The following ERICH6B variants were observed in gnomAD, a reference collection of about 807,000 sequenced individuals.
ERICH6B encodes glutamate rich 6B, also known as glutamate-rich protein 6B.
ERICH6B carries 69 observed loss-of-function variants against 80.0 expected under a neutral mutation model. That is an observed-to-expected ratio of 0.86 (90% CI 0.71 to 1.05). The LOEUF (loss-of-function observed/expected upper bound fraction) is 1.05, where lower values mean the gene tolerates loss of function less well. Ranked by LOEUF, ERICH6B falls within the 50% of genes least tolerant of loss-of-function variation. The pLI is 0.00. For missense variants in ERICH6B, 754 were observed against 796.1 expected (o/e 0.95, Z 0.64); for synonymous variants, 283 against 291.9 (o/e 0.97, Z 0.31).
intron 2 of ERICH6B, among the ~76,000 whole-genome samples, chr13:45,599,046 C>A (rs1316463991): frequency 1.3e-5 from 2 of 152,246 alleles, no homozygotes; most frequent in African/African-American, 4.8e-5. Context: ...CCTCCAGGGG[C>A]TGACCCCAAG....
rs558688144 is a variant in ERICH6B, at chr13:45,543,301, A to T, written c.1872+1459T>A. ...GTTGGAGCTCTGGGGGTCCAGCCTC[A>T]ACATTTTGAGTAGGTGGAACTGTGT... On this transcript the variant is annotated intron_variant, in intron 14 of 14. Transcript: ENST00000298738. 7.2e-5 allele frequency among the ~76,000 whole-genome samples: 11 copies of T among 152,194 alleles called. No homozygotes were observed. In the South Asian group the frequency reaches 2.3e-3, roughly 32 times the overall value.
intron 11 of ERICH6B, chr13:45,551,532 A>G (rs907514252): frequency 1.2e-4 from 19 of 152,176 alleles, no homozygotes; most frequent in African/African-American, 4.3e-4. Flanking sequence ...CCAAGTAGTA[A>G]CCAGGCTCAG....
At chr13:45,559,630 C>T (rs1218764550) in intron 11 of ERICH6B, among the ~76,000 whole-genome samples, 1 of 152,090 alleles carries the variant, frequency 6.6e-6, no homozygotes, top group Non-Finnish European at 1.5e-5. Context: ...TTTTAAATTT[C>T]CATCATGATT....
At chr13:45,575,270 A>T (rs910856848) in intron 7 of ERICH6B, among the ~76,000 whole-genome samples, 2 of 152,268 alleles carry the variant, frequency 1.3e-5, no homozygotes, top group Non-Finnish European at 2.9e-5. Flanking sequence ...CGCAGGCAGA[A>T]TGAACATTTG....
intron 4 of ERICH6B, 133 bp downstream of exon 4, chr13:45,590,516 C>G: frequency 1.3e-6 from 1 of 790,490 alleles, no homozygotes; most frequent in Non-Finnish European, 2.0e-6. Flanking sequence ...TTGTAACTTC[C>G]AGGAACCCCC....
At chr13:45,614,218 C>T (rs1027076002) in intron 1 of ERICH6B, among the ~76,000 whole-genome samples, 1 of 152,158 alleles carries the variant, frequency 6.6e-6, no homozygotes, top group Non-Finnish European at 1.5e-5. Flanking sequence ...ATTTCCTTAT[C>T]ACTTTATAGC....
chr13:45,598,693 C>T (rs3014940), intron 2 of ERICH6B, among the ~76,000 whole-genome samples: 59,112 of 151,936 alleles, frequency 0.39, 13,319 homozygotes, highest in Non-Finnish European at 0.5. Context: ...TAGGGTTAGC[C>T]TGGGGCAGTG....
chr13:45,606,563 T>TTA (rs1949867741), intron 2 of ERICH6B, among the ~76,000 whole-genome samples: 1 of 102,782 alleles, frequency 9.7e-6, no homozygotes, highest in Admixed American at 1.0e-4. Context: ...TTTTTTTTTT[T>TTA]TTTTTTTGGA....
chr13:45,547,863 A>AC (rs1437613676), intron 13 of ERICH6B, among the ~76,000 whole-genome samples: 1 of 151,816 alleles, frequency 6.6e-6, no homozygotes. Context: ...ACACTAGGCC[A>AC]CCCCCCACTC....
rs981405174 is a variant in ERICH6B at position 45,587,107 on chromosome 13, C to T, written c.812G>A (p.Arg271Lys). 1 of 1,551,740 alleles carries T rather than the reference C, an allele frequency of 6.4e-7. No individual in the cohort carries two copies. The highest frequency in any genetic ancestry group is 8.7e-7 in the Non-Finnish European group (1 of 1,147,000). ...CCAGTCTGTCTGACTGGCCTGGCTCCTCCTGTACAATGTCAGAAGCAACTC... is the reference window on the plus strand; with the variant it reads ...CCAGTCTGTCTGACTGGCCTGGCTCTTCCTGTACAATGTCAGAAGCAACTC... ...SSELLLTLYR[R>K]SQASQTDWCY... Residue 271 changes from arginine to lysine, a missense_variant, in exon 5 of 15, where the codon AGG becomes AAG. Arg to Lys is a conservative substitution (Grantham distance 26). Coordinates refer to ENST00000298738, the MANE Select transcript of ERICH6B (RefSeq NM_182542.3).
At chr13:45,584,629 C>T (rs1214241905) in intron 5 of ERICH6B, among the ~76,000 whole-genome samples, 6 of 152,304 alleles carry the variant, frequency 3.9e-5, no homozygotes, top group East Asian at 3.9e-4. Flanking sequence ...TTCTGATAAG[C>T]GTTGAAAAGC....
intron 11 of ERICH6B, among the ~76,000 whole-genome samples, chr13:45,551,278 T>G (rs1490708419): frequency 6.6e-6 from 1 of 152,234 alleles, no homozygotes; most frequent in African/African-American, 2.4e-5. Flanking sequence ...TTTCTTTGTT[T>G]TATAGTTTAT....
intron 3 of ERICH6B, among the ~76,000 whole-genome samples, chr13:45,593,196 G>A (rs1876226267): frequency 6.6e-6 from 1 of 152,194 alleles, no homozygotes; most frequent in South Asian, 2.1e-4. Flanking sequence ...AGAGGTGGGT[G>A]GGGGTTGTTA....
chr13:45,552,284 G>T (rs1874252468), intron 11 of ERICH6B, among the ~76,000 whole-genome samples: 1 of 152,010 alleles, frequency 6.6e-6, no homozygotes, highest in Admixed American at 6.6e-5. Context: ...GCTTGGAAAG[G>T]GTGTGTGTCC....
chr13:45,541,506 C>T lies in ERICH6B; in HGVS notation c.2047G>A (p.Asp683Asn). ...AGCATCTTCTTCAGGTACTTGTTGT[C>T]CATCAGTGATATACTGACGGCCTCT... is the stretch of plus-strand genomic sequence containing the variant. ...FIEAVSISLM[D>N]NKYLKKMLSK... Residue 683 changes from aspartate to asparagine, a missense_variant, in exon 15 of 15, where the codon GAC becomes AAC. By Grantham distance (23) the Asp-to-Asn change is conservative. Coordinates refer to ENST00000298738, the MANE Select transcript of ERICH6B (RefSeq NM_182542.3). 6.4e-7 allele frequency: 1 copy of T among 1,552,164 alleles called. No individual in the cohort carries two copies. Among genetic ancestry groups the T allele is most frequent in the Non-Finnish European group, 8.7e-7 (1 of 1,147,104 alleles).
At chr13:45,561,342 A>C in intron 11 of ERICH6B, 27 bp downstream of exon 11, 1 of 1,541,980 alleles carries the variant, frequency 6.5e-7, no homozygotes, top group Non-Finnish European at 8.8e-7. Flanking sequence ...TGCAAAGTAA[A>C]AAACAGCAAT....
At chr13:45,557,376 G>A (rs1593777735) in intron 11 of ERICH6B, among the ~76,000 whole-genome samples, 1 of 152,056 alleles carries the variant, frequency 6.6e-6, no homozygotes, top group East Asian at 1.9e-4. Context: ...CCTACTCTGT[G>A]GGTTGTCCTT....
chr13:45,587,460 T>C (rs1875960999), intron 4 of ERICH6B, among the ~76,000 whole-genome samples: 1 of 152,156 alleles, frequency 6.6e-6, no homozygotes, highest in African/African-American at 2.4e-5. Context: ...TGTGAGAGGA[T>C]CTGTGGCTAC....
chr13:45,561,330 T>C, intron 11 of ERICH6B, 39 bp downstream of exon 11: 1 of 1,537,134 alleles, frequency 6.5e-7, no homozygotes, highest in Non-Finnish European at 8.8e-7. Flanking sequence ...AAAAAAATCC[T>C]GTGCAAAGTA....
Sources: allele counts gnomAD v4.1 joint callset (sites outside exome capture counted in the v4.1 genomes callset), GRCh38; gene constraint gnomAD v4.1.1; transcripts MANE v1.5; gene names NCBI Gene and HGNC (gene_info 2026-07-23, HGNC 2026-07-21).